ATP8A2: variants seen among roughly 807,000 people sequenced by gnomAD.
The protein encoded by ATP8A2 is phospholipid-transporting ATPase IB.
Under a neutral mutation model 165.6 loss-of-function variants are expected in ATP8A2, and 100 were observed. The ratio of observed to expected loss-of-function variants is 0.60; its 90% CI spans 0.51 to 0.71. The LOEUF (loss-of-function observed/expected upper bound fraction) is 0.71, where lower values mean the gene tolerates loss of function less well. Ranked by LOEUF, ATP8A2 falls within the 30% of genes least tolerant of loss-of-function variation. ATP8A2 has a pLI of 0.00. For missense variants in ATP8A2, 1,227 were observed against 1,479.5 expected, an observed-to-expected ratio of 0.83 and a Z score of 2.80; for synonymous variants, 543 against 548.8, an observed-to-expected ratio of 0.99 and a Z score of 0.15.
At chr13:25,875,511 C>A (rs888161315) in intron 33 of ATP8A2, among the ~76,000 whole-genome samples, 2 of 151,636 alleles carry the variant, frequency 1.3e-5, no homozygotes, top group African/African-American at 4.9e-5. Context: ...CAAACAGATG[C>A]CAAGTATTTC....
intron 25 of ATP8A2, among the ~76,000 whole-genome samples, chr13:25,718,184 A>T (rs1216389113): frequency 1.3e-5 from 2 of 151,164 alleles, no homozygotes; most frequent in Non-Finnish European, 2.9e-5. Context: ...AACATTGGGA[A>T]AATTAGGTTA....
chr13:25,889,275 A>ATATATATATATATATATAG (rs1566239890), intron 33 of ATP8A2, among the ~76,000 whole-genome samples: 1 of 84,944 alleles, frequency 1.2e-5, no homozygotes, highest in African/African-American at 6.7e-5. Flanking sequence ...TATATATATA[A>ATATATATATATATATATAG]AATTTAAATG....
intron 26 of ATP8A2, among the ~76,000 whole-genome samples, chr13:25,770,761 A>G (rs562786521): frequency 6.6e-6 from 1 of 152,302 alleles, no homozygotes; most frequent in East Asian, 1.9e-4. Flanking sequence ...AGATTGCGAT[A>G]CATCATGAAT....
At chr13:25,764,525 A>G (rs1270101505) in intron 25 of ATP8A2, among the ~76,000 whole-genome samples, 1 of 152,212 alleles carries the variant, frequency 6.6e-6, no homozygotes, top group Admixed American at 6.5e-5. Context: ...TGACTTGAGT[A>G]TGGTCCAGAG....
intron 30 of ATP8A2, among the ~76,000 whole-genome samples, chr13:25,844,197 C>T (rs1404239403): frequency 6.6e-6 from 1 of 151,610 alleles, no homozygotes; most frequent in African/African-American, 2.4e-5. Flanking sequence ...TTTATGTGTG[C>T]TGATTTGCTG....
intron 25 of ATP8A2, among the ~76,000 whole-genome samples, chr13:25,752,622 T>C (rs1432399820): frequency 2.6e-5 from 4 of 152,072 alleles, no homozygotes; most frequent in African/African-American, 9.7e-5. Flanking sequence ...TTTTGTTTTG[T>C]TTTGTGTTTA....
chr13:25,951,092 C>G (rs1333100656), intron 33 of ATP8A2, among the ~76,000 whole-genome samples: 4 of 152,202 alleles, frequency 2.6e-5, no homozygotes, highest in Non-Finnish European at 4.4e-5. Context: ...GCTAATCACA[C>G]TCTTCCTGTA....
At chr13:25,645,044 T>A (rs1207822711) in intron 24 of ATP8A2, among the ~76,000 whole-genome samples, 2 of 152,182 alleles carry the variant, frequency 1.3e-5, no homozygotes, top group African/African-American at 2.4e-5. Flanking sequence ...TTTCTAGTCT[T>A]TATTTTATTT....
Position 25,574,789 on chromosome 13 carries a change from C to G in ATP8A2, c.1663-19C>G. 4.7e-6 allele frequency: 7 copies of G among 1,484,356 alleles called. No homozygotes were observed. Among genetic ancestry groups the G allele is most frequent in the Non-Finnish European group, 6.6e-6 (7 of 1,063,098 alleles). 91.9% of individuals were successfully genotyped at this position (1,484,356 alleles called of 1,614,324 possible). On this transcript the variant is annotated intron_variant, in intron 18 of 36. Coordinates refer to ENST00000381655, the MANE Select transcript of ATP8A2 (RefSeq NM_016529.6). ...TAATACTTTGCACCTCGGTTAAGAG[C>G]CTATTTTTCTTCCTTTAGATGGGAC...
chr13:25,963,222 C>T (rs764177462), intron 34 of ATP8A2, among the ~76,000 whole-genome samples: 1 of 151,878 alleles, frequency 6.6e-6, no homozygotes, highest in Non-Finnish European at 1.5e-5. Context: ...TGAGAAACTC[C>T]GTCTCTACTA....
intron 1 of ATP8A2, among the ~76,000 whole-genome samples, chr13:25,397,704 G>C (rs138106375): frequency 6.6e-6 from 1 of 152,190 alleles, no homozygotes; most frequent in Non-Finnish European, 1.5e-5. Flanking sequence ...AGCCTCATCA[G>C]GTCCTGAGAA....
chr13:25,397,089 T>A (rs2033452907), intron 1 of ATP8A2, among the ~76,000 whole-genome samples: 1 of 152,146 alleles, frequency 6.6e-6, no homozygotes, highest in South Asian at 2.1e-4. Flanking sequence ...TTGCTGGACA[T>A]CCTGTTCTAG....
At chr13:25,604,183 G>A (rs1282149023) in intron 24 of ATP8A2, among the ~76,000 whole-genome samples, 2 of 152,124 alleles carry the variant, frequency 1.3e-5, no homozygotes, top group Admixed American at 6.6e-5. Context: ...AGAAGCAAGA[G>A]GGTTTGGCAT....
At chr13:25,895,370 C>T (rs945243024) in intron 33 of ATP8A2, among the ~76,000 whole-genome samples, 3 of 152,116 alleles carry the variant, frequency 2.0e-5, no homozygotes, top group Non-Finnish European at 4.4e-5. Flanking sequence ...GCCTTGCATC[C>T]CAGGAATGAA....
chr13:25,782,437 C>G (rs982860908), intron 27 of ATP8A2, among the ~76,000 whole-genome samples: 1 of 152,180 alleles, frequency 6.6e-6, no homozygotes, highest in Non-Finnish European at 1.5e-5. Flanking sequence ...CCAAGGCAGG[C>G]AGAATGCTGA....
At chr13:25,675,911 A>G (rs542678566) in intron 24 of ATP8A2, among the ~76,000 whole-genome samples, 43 of 152,350 alleles carry the variant, frequency 2.8e-4, no homozygotes, top group African/African-American at 9.6e-4. Context: ...CCAAATTAAC[A>G]TAATTAAATT....
intron 35 of ATP8A2, among the ~76,000 whole-genome samples, chr13:25,997,689 C>T (rs552670449): frequency 1.3e-4 from 20 of 151,828 alleles, no homozygotes; most frequent in African/African-American, 4.1e-4. Flanking sequence ...TAACGATTTC[C>T]TCTGTCCCCT....
intron 1 of ATP8A2, among the ~76,000 whole-genome samples, chr13:25,459,328 T>C (rs944271222): frequency 6.6e-6 from 1 of 152,260 alleles, no homozygotes; most frequent in African/African-American, 2.4e-5. Context: ...GTCAGATTAG[T>C]TGCAGACTAA....
At chr13:25,473,206 C>T (rs1397602881) in intron 2 of ATP8A2, among the ~76,000 whole-genome samples, 1 of 152,152 alleles carries the variant, frequency 6.6e-6, no homozygotes, top group Non-Finnish European at 1.5e-5. Context: ...AGATGTCTCA[C>T]CAAACCTTGT....
Sources: gnomAD v4.1 joint callset for allele counts (sites outside exome capture counted in the v4.1 genomes callset) on GRCh38, gnomAD v4.1.1 for gene constraint, MANE v1.5 for transcripts, NCBI Gene and HGNC (gene_info 2026-07-23, HGNC 2026-07-21) for gene names.